The following KCNH3 variants were observed in gnomAD, a reference collection of about 807,000 sequenced individuals.
The protein encoded by KCNH3 is potassium voltage-gated channel subfamily H member 3.
Under a neutral mutation model 95.6 loss-of-function variants are expected in KCNH3, and 36 were observed. The observed-to-expected ratio is 0.38, with a 90% CI of 0.29 to 0.50. The LOEUF is 0.50. Ranked by LOEUF, KCNH3 falls within the 20% of genes least tolerant of loss-of-function variation. The probability of loss-of-function intolerance (pLI) is 0.95; values close to 1 mark genes in which losing one functional copy is unlikely to be tolerated. For missense variants in KCNH3, 1,030 were observed against 1,484.1 expected (o/e 0.69, Z 5.03); for synonymous variants, 620 against 646.3 (o/e 0.96, Z 0.62).
chr12:49,557,717 G>GGAGA lies in KCNH3; in HGVS notation c.3017_3020dup (p.Asp1007GlufsTer6). On this transcript the variant is annotated frameshift_variant, in exon 15 of 15. Coordinates refer to ENST00000257981, the MANE Select transcript of KCNH3 (RefSeq NM_012284.3). LOFTEE classifies it high-confidence loss of function. ...CTCAGACTCAGAGCCCCCTGCCTCA[G>GGAGA]GAGACCTCTGCTCTGAGCCCAGCAC... The GGAGA allele has an allele frequency of 6.2e-7, 1 of 1,613,760 alleles. No homozygotes were observed. Among genetic ancestry groups the GGAGA allele is most frequent in the South Asian group, 1.1e-5 (1 of 91,080 alleles).
intron 7 of KCNH3, 56 bp from the exon 8 acceptor site, chr12:49,548,839 C>G (rs1468828066): frequency 6.7e-6 from 10 of 1,482,854 alleles, no homozygotes; most frequent in South Asian, 1.3e-5. Flanking sequence ...CCCCAGGGCC[C>G]GGCATCCTCG....
chr12:49,557,856 C>G lies in KCNH3; in HGVS notation c.3155C>G (p.Ala1052Gly). ...GEPPPGSGGL[A>G]LPWDPHSLEM... ...CCCCCACCAGGGTCAGGGGGCCTGG[C>G]CTTGCCCTGGGACCCCCACAGCCTG... is the stretch of plus-strand genomic sequence containing the variant. The change falls in exon 15 of 15, where the codon GCC becomes GGC. Residue 1052 changes from alanine to glycine, a missense_variant. By Grantham distance (60) the Ala-to-Gly change is moderately conservative. Coordinates refer to ENST00000257981, the MANE Select transcript of KCNH3 (RefSeq NM_012284.3). 6.3e-7 allele frequency: 1 copy of G among 1,587,518 alleles called. No homozygotes were observed. The highest frequency in any genetic ancestry group is 8.6e-7 in the Non-Finnish European group (1 of 1,165,116).
At position 49,549,639 on chromosome 12, in the gene KCNH3, A is replaced by AGGTGC. The variant is rs780506770; in HGVS notation, c.1668+2_1668+6dup. 4.4e-6 allele frequency: 7 copies of AGGTGC among 1,607,726 alleles called. No homozygotes were observed. In the East Asian group the frequency reaches 8.9e-5, roughly 20 times the overall value. On this transcript the variant is annotated frameshift_variant and splice_region_variant, in exon 9 of 15. Transcript: ENST00000257981. LOFTEE classifies it high-confidence loss of function. ...GTGAACAATGGCATCGACACCACCG[A>AGGTGC]GGTGCGGCCTCCGGGGCTGGGCCTG...
At chr12:49,556,340 G>A (rs1938441880) in intron 12 of KCNH3, 30 bp from the exon 13 acceptor site, 1 of 1,538,424 alleles carries the variant, frequency 6.5e-7, no homozygotes, top group Admixed American at 1.7e-5. Context: ...CCTGTCCATT[G>A]ATTTGTTGTC....
chr12:49,549,458 GTGT>G lies in KCNH3; in HGVS notation c.1488_1490del (p.Phe497del). The G allele has an allele frequency of 6.2e-7, 1 of 1,613,502 alleles. No homozygotes were observed. Among genetic ancestry groups the G allele is most frequent in the Non-Finnish European group, 8.5e-7 (1 of 1,180,000 alleles). On this transcript the variant is annotated inframe_deletion, in exon 9 of 15. Transcript: ENST00000257981. Reference sequence around the variant, plus strand: ...TCCCCCAGCCCTGATGCACGCGGTGGTGTTTGGGAACGTGACGGCCATCATCCA... The same window carrying G: ...TCCCCCAGCCCTGATGCACGCGGTGGTTGGGAACGTGACGGCCATCATCCA...
chr12:49,557,339 C>G lies in KCNH3; in HGVS notation c.2653-15C>G. 1 of 1,610,284 alleles carries G rather than the reference C, an allele frequency of 6.2e-7. No homozygotes were observed. The highest frequency in any genetic ancestry group is 8.5e-7 in the Non-Finnish European group (1 of 1,177,332). On this transcript the variant is annotated splice_polypyrimidine_tract_variant and intron_variant, in intron 14 of 14. Transcript: ENST00000257981. ...GCTGACTCCATTCTGACCTCGCCTC[C>G]TCCCTCCCCCAAAGGTGACAGAGCT...
chr12:49,540,369 A>G (rs183704204), intron 1 of KCNH3, among the ~76,000 whole-genome samples: 337 of 152,172 alleles, frequency 2.2e-3, no homozygotes, highest in Non-Finnish European at 4.3e-3. Context: ...TTACACCCCC[A>G]TTCTTGATCA....
intron 2 of KCNH3, among the ~76,000 whole-genome samples, chr12:49,541,361 G>C (rs557557237): frequency 6.6e-6 from 1 of 152,082 alleles, no homozygotes; most frequent in Non-Finnish European, 1.5e-5. Context: ...TTCCAACCTC[G>C]GGTTTCCCGC....
chr12:49,544,141 T>TACCAACCCAA, intron 6 of KCNH3, 34 bp from the exon 7 acceptor site: 2 of 1,413,392 alleles, frequency 1.4e-6, no homozygotes, highest in Non-Finnish European at 1.9e-6. Flanking sequence ...CCCGCTGACC[T>TACCAACCCAA]CCCTCCCTCC....
rs1399225461 is a variant in KCNH3, at chr12:49,539,823, C to G, written c.76+331C>G. ...CCTGCGTCTGGCGCTGTCGCAGCAA[C>G]TACCCTCGGACTGGTGGGGTAAGGC... is the stretch of plus-strand genomic sequence containing the variant. On this transcript the variant is annotated intron_variant, in intron 1 of 14. Coordinates refer to ENST00000257981, the MANE Select transcript of KCNH3 (RefSeq NM_012284.3). This position sits in a 1 kb window ranked among gnomAD's most constrained non-coding sequence, Gnocchi z 6.7. Among the ~76,000 whole-genome samples, 3 of 152,234 alleles carry G rather than the reference C, an allele frequency of 2.0e-5. No individual in the cohort carries two copies. The highest frequency in any genetic ancestry group is 7.2e-5 in the African/African-American group (3 of 41,466).
At chr12:49,542,198 G>T (rs1937894055) in intron 3 of KCNH3, among the ~76,000 whole-genome samples, 1 of 152,196 alleles carries the variant, frequency 6.6e-6, no homozygotes, top group Non-Finnish European at 1.5e-5. Context: ...CTTTGGGCAG[G>T]TTACAAAGCT....
At chr12:49,553,733 A>G (rs1448971983) in intron 10 of KCNH3, among the ~76,000 whole-genome samples, 1 of 152,226 alleles carries the variant, frequency 6.6e-6, no homozygotes, top group Non-Finnish European at 1.5e-5. Flanking sequence ...GGTGAGATCA[A>G]GAATATTCCC....
chr12:49,558,071 G>A lies in KCNH3; in HGVS notation c.*118G>A, dbSNP rs910044697. 18 of 1,216,618 alleles carry A rather than the reference G, an allele frequency of 1.5e-5. No individual in the cohort carries two copies. The African/African-American group carries it at 2.6e-4, about 18-fold the overall frequency. 75.4% of individuals were successfully genotyped at this position (1,216,618 alleles called of 1,614,324 possible). A position where few individuals can be genotyped will look rare whatever the true frequency, so the allele number is the denominator to read the frequency against. On this transcript the variant is annotated 3_prime_UTR_variant, in exon 15 of 15. Transcript: ENST00000257981. ...GACTCCATGCGGCCCGCTGGCTCAG[G>A]GCAGGGAGCCTGGAAGCAAAGGAGG...
At chr12:49,546,532 C>G (rs190558858) in intron 7 of KCNH3, among the ~76,000 whole-genome samples, 1 of 152,284 alleles carries the variant, frequency 6.6e-6, no homozygotes, top group African/African-American at 2.4e-5. Context: ...TTCCACTGCC[C>G]ATGATGTGGA....
At chr12:49,544,141 T>TCCCCGC in intron 6 of KCNH3, 34 bp from the exon 7 acceptor site, 1 of 1,413,420 alleles carries the variant, frequency 7.1e-7, no homozygotes, top group Non-Finnish European at 9.7e-7. Context: ...CCCGCTGACC[T>TCCCCGC]CCCTCCCTCC....
At position 49,544,303 on chromosome 12, in the gene KCNH3, C is replaced by T. The variant is rs150968851; in HGVS notation, c.1110C>T (p.Leu370=). ...TGCTCATGGCCGTGTTCGCCCTGCT[C>T]GCGCACTGGGTCGCCTGCGTCTGGT... ...LTLLMAVFAL[L]AHWVACVWFY... The change falls in exon 7 of 15, where the codon CTC becomes CTT. Residue 370 remains leucine, a synonymous_variant. Transcript: ENST00000257981. The T allele has an allele frequency of 7.1e-4, 1,141 of 1,613,056 alleles. 6 individuals carry two copies. In the African/African-American group the frequency reaches 0.011, roughly 16 times the overall value.
chr12:49,557,907 G>A lies in KCNH3; in HGVS notation c.3206G>A (p.Gly1069Asp). 6.5e-7 allele frequency: 1 copy of A among 1,531,730 alleles called. No individual in the cohort carries two copies. Among genetic ancestry groups the A allele is most frequent in the Non-Finnish European group, 8.8e-7 (1 of 1,139,874 alleles). 94.9% of individuals were successfully genotyped at this position (1,531,730 alleles called of 1,614,324 possible). ...SLEMVLIGCHGSGTVQWTQEE... is the reference protein window; with the variant it reads ...SLEMVLIGCHDSGTVQWTQEE... ...GAGATGGTGCTTATTGGCTGCCATG[G>A]CTCTGGCACAGTCCAGTGGACCCAG... The change falls in exon 15 of 15, where the codon GGC (glycine) becomes GAC (aspartate). Residue 1069 changes from glycine to aspartate, a missense_variant. Around this residue, in one of 9 missense-constraint regions of KCNH3, gnomAD observed 464 missense variants for 493.2 expected, o/e 0.94. Coordinates refer to ENST00000257981, the MANE Select transcript of KCNH3 (RefSeq NM_012284.3).
In KCNH3 at chr12:49,557,837, C is replaced by A; in HGVS notation, c.3136C>A (p.Pro1046Thr). 4 of 1,598,708 alleles carry A rather than the reference C, an allele frequency of 2.5e-6. No homozygotes were observed. Among genetic ancestry groups the A allele is most frequent in the Non-Finnish European group, 3.4e-6 (4 of 1,170,172 alleles). ...GGCTACCAGCACTGGAGAGCCCCCA[C>A]CAGGGTCAGGGGGCCTGGCCTTGCC... ...AEATSTGEPP[P>T]GSGGLALPWD... The change falls in exon 15 of 15, where the codon CCA (proline) becomes ACA (threonine). Residue 1046 changes from proline (P) to threonine (T), a missense_variant. Pro to Thr is a conservative substitution (Grantham distance 38). Around this residue, in one of 9 missense-constraint regions of KCNH3, gnomAD observed 464 missense variants for 493.2 expected, o/e 0.94. Coordinates refer to ENST00000257981, the MANE Select transcript of KCNH3 (RefSeq NM_012284.3).
At chr12:49,557,058 A>C in intron 13 of KCNH3, 125 bp from the exon 14 acceptor site, 5 of 932,512 alleles carry the variant, frequency 5.4e-6, no homozygotes, top group Non-Finnish European at 8.3e-6. Flanking sequence ...CAAGGCCAGA[A>C]GAGATGATCC....
Sources: allele counts gnomAD v4.1 joint callset (sites outside exome capture counted in the v4.1 genomes callset), GRCh38; gene constraint gnomAD v4.1.1; regional missense constraint gnomAD v4.1.1; non-coding constraint Gnocchi (gnomAD v3.1); transcripts MANE v1.5; gene names NCBI Gene and HGNC (gene_info 2026-07-23, HGNC 2026-07-21).